The following ZC3H8 variants were observed in gnomAD, a reference collection of about 807,000 sequenced individuals.
The protein encoded by ZC3H8 is zinc finger CCCH domain-containing protein 8.
ZC3H8 carries 27 observed loss-of-function variants against 42.5 expected under a neutral mutation model. That is an observed-to-expected ratio of 0.64 (90% confidence interval 0.47 to 0.88). The LOEUF (loss-of-function observed/expected upper bound fraction) is 0.88, where lower values mean the gene tolerates loss of function less well. ZC3H8 is among the 40% of genes least tolerant of loss of function. The pLI is 0.00. For missense variants in ZC3H8, 277 were observed against 336.1 expected (o/e 0.82, Z 1.37); for synonymous variants, 101 against 110.1 (o/e 0.92, Z 0.52).
In ZC3H8 at chr2:112,212,754, T is replaced by C. The variant is rs1157995035; in HGVS notation, c.*3730A>G. On this transcript the variant is annotated 3_prime_UTR_variant, in exon 9 of 9. Coordinates refer to ENST00000409573, the MANE Select transcript of ZC3H8 (RefSeq NM_032494.3). Reference sequence around the variant, plus strand: ...TCTGTTCTGGTGTCATAATCCCTATTATAAGACTGTAATAAAGATTAAAAA... The same window carrying C: ...TCTGTTCTGGTGTCATAATCCCTATCATAAGACTGTAATAAAGATTAAAAA... 1 of 152,042 alleles carries C rather than the reference T, an allele frequency of 6.6e-6. No individual in the cohort carries two copies. The highest frequency in any genetic ancestry group is 1.5e-5 in the Non-Finnish European group (1 of 68,010). The allele number at this position is 152,042 out of a possible 1,614,324, so 9.4% of individuals were successfully genotyped here. A position where few individuals can be genotyped will look rare whatever the true frequency, so the allele number is the denominator to read the frequency against.
At chr2:112,253,885 T>C (rs1452374395) in intron 1 of ZC3H8, 1 of 152,828 alleles carries the variant, frequency 6.5e-6, no homozygotes, top group African/African-American at 2.4e-5. Context: ...CCAATATTTA[T>C]AGGGCTTATT....
chr2:112,226,669 T>G (rs182084266), intron 8 of ZC3H8, among the ~76,000 whole-genome samples: 15 of 151,802 alleles, frequency 9.9e-5, no homozygotes, highest in African/African-American at 3.6e-4. Flanking sequence ...TCATGAATTC[T>G]TCCAGAAAAT....
At chr2:112,245,153 C>T (rs1685711640) in intron 2 of ZC3H8, among the ~76,000 whole-genome samples, 1 of 152,252 alleles carries the variant, frequency 6.6e-6, no homozygotes, top group Admixed American at 6.5e-5. Context: ...AGCCTTATTG[C>T]TGATACAGAG....
Position 112,216,071 on chromosome 2 carries a change from C to A in ZC3H8, c.*413G>T, listed in dbSNP as rs1439453860. 6.6e-6 allele frequency: 1 copy of A among 152,184 alleles called. No homozygotes were observed. Among genetic ancestry groups the A allele is most frequent in the Admixed American group, 6.5e-5 (1 of 15,274 alleles). The allele number at this position is 152,184 out of a possible 1,614,324, so 9.4% of individuals were successfully genotyped here. A position where few individuals can be genotyped will look rare whatever the true frequency, so the allele number is the denominator to read the frequency against. On this transcript the variant is annotated 3_prime_UTR_variant, in exon 9 of 9. Coordinates refer to ENST00000409573, the MANE Select transcript of ZC3H8 (RefSeq NM_032494.3). ...AACTAACTCTGTTTTTATGGTCCATCTACCAATGTCTTCCGAGCAGTTCTC... is the reference window on the plus strand; with the variant it reads ...AACTAACTCTGTTTTTATGGTCCATATACCAATGTCTTCCGAGCAGTTCTC...
At chr2:112,216,876 A>C (rs1271635521) in intron 8 of ZC3H8, among the ~76,000 whole-genome samples, 1 of 152,094 alleles carries the variant, frequency 6.6e-6, no homozygotes, top group African/African-American at 2.4e-5. Flanking sequence ...ATTTAATAGA[A>C]AACAAAGAAA....
At chr2:112,240,498 T>C (rs1685532358) in intron 2 of ZC3H8, 1 of 152,190 alleles carries the variant, frequency 6.6e-6, no homozygotes, top group South Asian at 2.1e-4. Context: ...TGCATCTGAA[T>C]CAAAATATTA....
chr2:112,227,845 G>C (rs939474276), intron 8 of ZC3H8, among the ~76,000 whole-genome samples: 13 of 152,308 alleles, frequency 8.5e-5, no homozygotes, highest in Admixed American at 3.9e-4. Context: ...GACATTCCAT[G>C]CTCACAGATC....
intron 3 of ZC3H8, 75 bp downstream of exon 3, chr2:112,238,240 T>C: frequency 7.1e-7 from 1 of 1,417,952 alleles, no homozygotes; most frequent in East Asian, 2.3e-5. Context: ...CAAAGAAAAA[T>C]CCTCTGTCCG....
At chr2:112,228,451 G>A (rs1301104056) in intron 8 of ZC3H8, among the ~76,000 whole-genome samples, 7 of 150,942 alleles carry the variant, frequency 4.6e-5, no homozygotes, top group Admixed American at 3.3e-4. Flanking sequence ...GCAGTGAGCC[G>A]AGACTGCACC....
At chr2:112,230,396 T>A (rs1182963886) in intron 8 of ZC3H8, among the ~76,000 whole-genome samples, 1 of 152,214 alleles carries the variant, frequency 6.6e-6, no homozygotes, top group African/African-American at 2.4e-5. Context: ...AGTATGTATA[T>A]GGATATTTAC....
intron 2 of ZC3H8, among the ~76,000 whole-genome samples, chr2:112,245,562 G>A (rs1377680867): frequency 1.3e-5 from 2 of 152,184 alleles, no homozygotes; most frequent in African/African-American, 4.8e-5. Flanking sequence ...GCTGAAGCAG[G>A]AGAATCGCTT....
intron 8 of ZC3H8, among the ~76,000 whole-genome samples, chr2:112,216,683 CAA>C (rs71385865): frequency 9.9e-5 from 12 of 120,986 alleles, no homozygotes; most frequent in Admixed American, 1.7e-4. Context: ...AGAACTGAAG[CAA>C]AAAAAAAAAA....
At position 112,238,573 on chromosome 2, in the gene ZC3H8, C is replaced by T. The variant is rs780853069; in HGVS notation, c.157-45G>A. ...TCAATTTTAAAAACCTAGCATGATT[C>T]AAAACAATCTGGCTATACAGAAGAA... is the stretch of plus-strand genomic sequence containing the variant. On this transcript the variant is annotated intron_variant, in intron 2 of 8. Coordinates refer to ENST00000409573, the MANE Select transcript of ZC3H8 (RefSeq NM_032494.3). 6 of 1,494,466 alleles carry T rather than the reference C, an allele frequency of 4.0e-6. No individual in the cohort carries two copies. In the South Asian group the frequency reaches 7.5e-5, roughly 19 times the overall value. The allele number at this position is 1,494,466 out of a possible 1,614,324, so 92.6% of individuals were successfully genotyped here.
intron 8 of ZC3H8, among the ~76,000 whole-genome samples, chr2:112,226,605 A>AAAAAAAAAAAG (rs60734001): frequency 6.0e-5 from 9 of 150,020 alleles, no homozygotes; most frequent in African/African-American, 2.0e-4. Flanking sequence ...AAAAAAAAAA[A>AAAAAAAAAAAG]GCTCAGGCCC....
intron 1 of ZC3H8, chr2:112,254,144 G>C (rs1686046780): frequency 1.0e-6 from 1 of 985,166 alleles, no homozygotes; most frequent in Non-Finnish European, 1.2e-6. Context: ...GAGATAGAGT[G>C]AACAGCTGAC....
intron 1 of ZC3H8, chr2:112,254,237 T>C (rs1686048970): frequency 2.4e-6 from 2 of 832,632 alleles, no homozygotes; most frequent in Non-Finnish European, 1.4e-6. Flanking sequence ...AGAACAAAGA[T>C]GGTGGTTTTT....
chr2:112,240,816 T>C (rs1272445709), intron 2 of ZC3H8, among the ~76,000 whole-genome samples: 1 of 152,228 alleles, frequency 6.6e-6, no homozygotes, highest in African/African-American at 2.4e-5. Context: ...TTGTTTTTTG[T>C]ATAATTTAAA....
chr2:112,235,618 A>T (rs916160279), intron 4 of ZC3H8, among the ~76,000 whole-genome samples: 1 of 152,154 alleles, frequency 6.6e-6, no homozygotes, highest in Admixed American at 6.5e-5. Flanking sequence ...CAAGCCTAAT[A>T]AAAAAAGTTG....
chr2:112,253,762 T>C (rs1041175154), intron 1 of ZC3H8, among the ~76,000 whole-genome samples: 1 of 152,228 alleles, frequency 6.6e-6, no homozygotes, highest in Non-Finnish European at 1.5e-5. Context: ...ATGTTGCTAT[T>C]ATCTTTTTTT....
Sources: gnomAD v4.1 joint callset for allele counts (sites outside exome capture counted in the v4.1 genomes callset) on GRCh38, gnomAD v4.1.1 for gene constraint, MANE v1.5 for transcripts, NCBI Gene and HGNC (gene_info 2026-07-23, HGNC 2026-07-21) for gene names.